OXCT1: variants seen among roughly 807,000 people sequenced by gnomAD.
OXCT1 encodes 3-oxoacid CoA-transferase 1, also known as succinyl-CoA:3-ketoacid coenzyme A transferase 1, mitochondrial.
Under a neutral mutation model 69.6 loss-of-function variants are expected in OXCT1, and 27 were observed. That is an observed-to-expected ratio of 0.39 (90% CI 0.29 to 0.54). The LOEUF (loss-of-function observed/expected upper bound fraction) is 0.54, where lower values mean the gene tolerates loss of function less well. OXCT1 is among the 20% of genes least tolerant of loss of function. The pLI is 0.72. For synonymous variants in OXCT1, 202 were observed against 217.8 expected (o/e 0.93, Z 0.64); for missense variants, 437 against 650.2 (o/e 0.67, Z 3.57).
chr5:41,868,318 G>A (rs1416446392), intron 1 of OXCT1, among the ~76,000 whole-genome samples: 1 of 152,224 alleles, frequency 6.6e-6, no homozygotes, highest in East Asian at 1.9e-4. Context: ...GAGACTAAGT[G>A]TAAGGCATAA....
At position 41,731,771 on chromosome 5, in the gene OXCT1, C is replaced by G. The variant is rs1258832804; in HGVS notation, c.1522-1G>C. On this transcript the variant is annotated splice_acceptor_variant, in intron 16 of 16. Coordinates refer to ENST00000196371, the MANE Select transcript of OXCT1 (RefSeq NM_000436.4). LOFTEE classifies it high-confidence loss of function. ...GCATTGGCATGAGTTTTGGTGAAAC[C>G]TGGTAAAAGAGGAAAAAAAAATCAA... The G allele has an allele frequency of 6.2e-7, 1 of 1,609,018 alleles. No homozygotes were observed. Among genetic ancestry groups the G allele is most frequent in the Non-Finnish European group, 8.5e-7 (1 of 1,177,438 alleles).
chr5:41,787,705 C>G (rs1440173994), intron 13 of OXCT1, among the ~76,000 whole-genome samples: 3 of 120,666 alleles, frequency 2.5e-5, no homozygotes, highest in African/African-American at 9.2e-5. Flanking sequence ...TCCTACCAAA[C>G]AGTGAGGAAA....
chr5:41,785,357 C>T lies in OXCT1; in HGVS notation c.1248+8646G>A, dbSNP rs796265067. 1.6e-4 allele frequency among the ~76,000 whole-genome samples: 24 copies of T among 152,246 alleles called. 1 individual carries two copies. Among genetic ancestry groups the T allele is most frequent in the African/African-American group, 5.8e-4 (24 of 41,550 alleles). On this transcript the variant is annotated intron_variant, in intron 13 of 16. Coordinates refer to ENST00000196371, the MANE Select transcript of OXCT1 (RefSeq NM_000436.4). ...GGGAACTGCCTAGAGGTATTAGAAC[C>T]ATAGTTGGAAAACACCCTTATATGC...
chr5:41,815,573 G>T (rs1178698561), intron 7 of OXCT1, among the ~76,000 whole-genome samples: 1 of 151,962 alleles, frequency 6.6e-6, no homozygotes, highest in Non-Finnish European at 1.5e-5. Context: ...TATTTCATTT[G>T]TCATATCTCT....
chr5:41,766,122 C>T (rs1322227630), intron 13 of OXCT1, among the ~76,000 whole-genome samples: 1 of 152,096 alleles, frequency 6.6e-6, no homozygotes, highest in Non-Finnish European at 1.5e-5. Context: ...GGATGCAACT[C>T]TAGTTCTGAA....
intron 7 of OXCT1, among the ~76,000 whole-genome samples, chr5:41,837,630 CA>C (rs71608626): frequency 0.27 from 22,489 of 83,156 alleles, 1,486 homozygotes; most frequent in Middle Eastern, 0.39. Flanking sequence ...ATAAGCTGGG[CA>C]AAAAAAAAAA....
chr5:41,791,802 A>G (rs1440467589), intron 13 of OXCT1, among the ~76,000 whole-genome samples: 1 of 151,486 alleles, frequency 6.6e-6, no homozygotes, highest in Non-Finnish European at 1.5e-5. Context: ...TATTTTATTT[A>G]TTTATTTTTT....
intron 11 of OXCT1, among the ~76,000 whole-genome samples, chr5:41,799,936 C>T (rs1746349383): frequency 6.6e-6 from 1 of 152,100 alleles, no homozygotes; most frequent in African/African-American, 2.4e-5. Context: ...TTTTTGAATG[C>T]AAAGTAAGAA....
At chr5:41,795,933 T>G (rs772429077) in intron 11 of OXCT1, among the ~76,000 whole-genome samples, 1 of 152,166 alleles carries the variant, frequency 6.6e-6, no homozygotes, top group Non-Finnish European at 1.5e-5. Context: ...ACCCACCTAA[T>G]TCCTTAATTT....
intron 2 of OXCT1, 133 bp from the exon 3 acceptor site, chr5:41,861,537 T>C (rs1247347040): frequency 2.8e-6 from 2 of 714,986 alleles, no homozygotes; most frequent in African/African-American, 1.8e-5. Flanking sequence ...AATACACAGA[T>C]ATATCTCAGC....
chr5:41,743,355 G>C (rs1490005143), intron 15 of OXCT1, among the ~76,000 whole-genome samples: 1 of 152,120 alleles, frequency 6.6e-6, no homozygotes, highest in African/African-American at 2.4e-5. Flanking sequence ...ATTTGTTTGG[G>C]TTCTTTGTAG....
At chr5:41,863,976 G>A (rs1749853816) in intron 1 of OXCT1, among the ~76,000 whole-genome samples, 1 of 152,048 alleles carries the variant, frequency 6.6e-6, no homozygotes, top group South Asian at 2.1e-4. Flanking sequence ...CCTCCTATGG[G>A]GCTTAAGGTT....
chr5:41,765,558 A>C (rs1192062296), intron 13 of OXCT1, among the ~76,000 whole-genome samples: 1 of 152,164 alleles, frequency 6.6e-6, no homozygotes, highest in Non-Finnish European at 1.5e-5. Flanking sequence ...ATTATATGGA[A>C]GGGTGAGAAT....
rs1267246571 is a variant in OXCT1, at chr5:41,762,543, T to G, written c.1249-343A>C. ...TATCAGATTGAAATCCAAACACCCC[T>G]GACATCCACTTCTTTTTAAACACAA... On this transcript the variant is annotated intron_variant, in intron 13 of 16. Coordinates refer to ENST00000196371, the MANE Select transcript of OXCT1 (RefSeq NM_000436.4). The surrounding 1 kb of genome is among the most constrained non-coding windows in gnomAD (Gnocchi z 4.0). Among the ~76,000 whole-genome samples the G allele has an allele frequency of 6.6e-6, 1 of 152,104 alleles. No homozygotes were observed. Among genetic ancestry groups the G allele is most frequent in the Non-Finnish European group, 1.5e-5 (1 of 67,994 alleles).
chr5:41,754,076 A>G (rs751562478), intron 14 of OXCT1, among the ~76,000 whole-genome samples: 3 of 152,098 alleles, frequency 2.0e-5, no homozygotes, highest in African/African-American at 4.8e-5. Context: ...AGTGAATTAT[A>G]GTTATTTTAC....
intron 11 of OXCT1, among the ~76,000 whole-genome samples, chr5:41,798,923 G>A (rs1746301960): frequency 6.6e-6 from 1 of 152,158 alleles, no homozygotes; most frequent in Non-Finnish European, 1.5e-5. Context: ...TCAGTCCCTA[G>A]CAATGTTATC....
intron 14 of OXCT1, among the ~76,000 whole-genome samples, chr5:41,752,210 T>C (rs1334673956): frequency 1.3e-5 from 2 of 152,154 alleles, no homozygotes; most frequent in Non-Finnish European, 2.9e-5. Context: ...AGTTCTGCCA[T>C]ACAATTTTTG....
chr5:41,745,708 T>G (rs947682260), intron 15 of OXCT1, among the ~76,000 whole-genome samples: 1 of 151,854 alleles, frequency 6.6e-6, no homozygotes, highest in African/African-American at 2.4e-5. Context: ...TAAAAAATGA[T>G]AAAGGGGATA....
intron 13 of OXCT1, among the ~76,000 whole-genome samples, chr5:41,791,929 G>A (rs1048388053): frequency 2.6e-4 from 39 of 152,016 alleles, no homozygotes; most frequent in African/African-American, 9.2e-4. Context: ...TCAGCCTCTC[G>A]AGTAGCTGGG....
Sources: allele counts gnomAD v4.1 joint callset (sites outside exome capture counted in the v4.1 genomes callset), GRCh38; gene constraint gnomAD v4.1.1; non-coding constraint Gnocchi (gnomAD v3.1); transcripts MANE v1.5; gene names NCBI Gene and HGNC (gene_info 2026-07-23, HGNC 2026-07-21).